The following ZBTB18 variants were observed in gnomAD, a reference collection of about 807,000 sequenced individuals.
The protein encoded by ZBTB18 is zinc finger and BTB domain containing 18.
In ZBTB18, 2 loss-of-function variants were observed where a neutral mutation model predicts 37.7. The observed-to-expected ratio is 0.05, with a 90% CI of 0.02 to 0.17. The LOEUF (loss-of-function observed/expected upper bound fraction) is 0.17, where lower values mean the gene tolerates loss of function less well. Among genes scored for constraint, ZBTB18 ranks in the 10% least tolerant of loss-of-function variants. The probability of loss-of-function intolerance (pLI) is 1.00; values close to 1 mark genes in which losing one functional copy is unlikely to be tolerated. For synonymous variants in ZBTB18, 304 were observed against 276.5 expected (o/e 1.10, Z -0.99); for missense variants, 408 against 686.3 (o/e 0.59, Z 4.53).
At position 244,055,442 on chromosome 1, in the gene ZBTB18, G is replaced by T. The variant is rs1256482203; in HGVS notation, c.*72G>T. The T allele has an allele frequency of 7.3e-6, 4 of 545,056 alleles. No individual in the cohort carries two copies. Among genetic ancestry groups the T allele is most frequent in the Non-Finnish European group, 1.0e-5 (4 of 387,464 alleles). 33.8% of individuals were successfully genotyped at this position (545,056 alleles called of 1,614,324 possible). A position where few individuals can be genotyped will look rare whatever the true frequency, so the allele number is the denominator to read the frequency against. ...TAGATCTCTATATAGTTGTGGTACG[G>T]TCTAAAAGCAGTCTTGTTTCCTGGA... On this transcript the variant is annotated 3_prime_UTR_variant, in exon 2 of 2. Coordinates refer to ENST00000358704, the MANE Select transcript of ZBTB18 (RefSeq NM_205768.3). This position sits in a 1 kb window ranked among gnomAD's most constrained non-coding sequence, Gnocchi z 7.0.
intron 1 of ZBTB18, among the ~76,000 whole-genome samples, chr1:244,052,085 C>T (rs938063312): frequency 3.3e-5 from 5 of 152,142 alleles, no homozygotes; most frequent in African/African-American, 1.2e-4. Context: ...TTTGTGTTAG[C>T]GACTAATTTA....
chr1:244,051,328 ACAT>A lies in ZBTB18; in HGVS notation c.-99_-97del, dbSNP rs1331463514. ...GGAGAAGGTATCTCATTCCTCTCTA[ACAT>A]CATCTCCACTTTGCATCTGTCTCTC... is the stretch of plus-strand genomic sequence containing the variant. On this transcript the variant is annotated 5_prime_UTR_variant, in exon 1 of 2. Coordinates refer to ENST00000358704, the MANE Select transcript of ZBTB18 (RefSeq NM_205768.3). 7.8e-7 allele frequency: 1 copy of A among 1,277,366 alleles called. No homozygotes were observed. The highest frequency in any genetic ancestry group is 1.1e-6 in the Non-Finnish European group (1 of 885,470). 79.1% of individuals were successfully genotyped at this position (1,277,366 alleles called of 1,614,324 possible).
rs372247680 is a variant in ZBTB18, at chr1:244,054,899, G to A, written c.1125G>A (p.Ala375=). The change falls in exon 2 of 2, where the codon GCG becomes GCA. Residue 375 remains alanine, a synonymous_variant. Coordinates refer to ENST00000358704, the MANE Select transcript of ZBTB18 (RefSeq NM_205768.3). This position sits in a 1 kb window ranked among gnomAD's most constrained non-coding sequence, Gnocchi z 9.0. The part of the protein sequence containing the change: ...LPYVSNILSP[A]GQIFMCPLCN... Reference sequence around the variant, plus strand: ...ACGTCTCCAACATCCTGAGCCCCGCGGGCCAGATCTTCATGTGCCCCCTGT... The same window carrying A: ...ACGTCTCCAACATCCTGAGCCCCGCAGGCCAGATCTTCATGTGCCCCCTGT... The A allele has an allele frequency of 3.7e-6, 6 of 1,614,008 alleles. No homozygotes were observed. The highest frequency in any genetic ancestry group is 2.7e-5 in the African/African-American group (2 of 74,920).
rs894674661 is a variant in ZBTB18, at chr1:244,055,732, T to G, written c.*362T>G. On this transcript the variant is annotated 3_prime_UTR_variant, in exon 2 of 2. Coordinates refer to ENST00000358704, the MANE Select transcript of ZBTB18 (RefSeq NM_205768.3). This position sits in a 1 kb window ranked among gnomAD's most constrained non-coding sequence, Gnocchi z 7.0. ...CCCAACAAAGTTTTTTTGTTTTTTG[T>G]TTTTTTTTTTAAGTAGAAATTCCCT... The G allele has an allele frequency of 4.0e-5, 6 of 150,200 alleles. No homozygotes were observed. The highest frequency in any genetic ancestry group is 1.5e-4 in the African/African-American group (5 of 32,632). 9.3% of individuals were successfully genotyped at this position (150,200 alleles called of 1,614,324 possible).
At chr1:244,048,685 G>C (rs1326501715), upstream of ZBTB18, among the ~76,000 whole-genome samples, 24 of 120,578 alleles carry the variant, frequency 2.0e-4, no homozygotes, top group African/African-American at 6.6e-4. Context: ...TCGCTCCCTC[G>C]CTCGCTCCCT....
rs558017650 is a variant in ZBTB18, at chr1:244,053,011, A to G, written c.14-777A>G. 6.6e-6 allele frequency among the ~76,000 whole-genome samples: 1 copy of G among 152,368 alleles called. No individual in the cohort carries two copies. The highest frequency in any genetic ancestry group is 2.1e-4 in the South Asian group (1 of 4,826). Reference sequence around the variant, plus strand: ...TATTCTGAAAGTACAGTTTCTACAAAGAAATGTAACTACTTTTTTCTCAGT... The same window carrying G: ...TATTCTGAAAGTACAGTTTCTACAAGGAAATGTAACTACTTTTTTCTCAGT... On this transcript the variant is annotated intron_variant, in intron 1 of 1. Coordinates refer to ENST00000358704, the MANE Select transcript of ZBTB18 (RefSeq NM_205768.3). This position sits in a 1 kb window ranked among gnomAD's most constrained non-coding sequence, Gnocchi z 5.2.
chr1:244,055,289 G>A lies in ZBTB18; in HGVS notation c.1515G>A (p.Leu505=). Residue 505 remains leucine, a synonymous_variant, in exon 2 of 2, where the codon TTG becomes TTA. Coordinates refer to ENST00000358704, the MANE Select transcript of ZBTB18 (RefSeq NM_205768.3). This position sits in a 1 kb window ranked among gnomAD's most constrained non-coding sequence, Gnocchi z 7.0. ...TCCACTGTGAGTTGGTGAACTCCTT[G>A]TCGGTCAAAAGCGAAGCACTGAGCT... ...RKFHCELVNS[L]SVKSEALSLP... 1 of 1,613,774 alleles carries A rather than the reference G, an allele frequency of 6.2e-7. No individual in the cohort carries two copies. The highest frequency in any genetic ancestry group is 8.5e-7 in the Non-Finnish European group (1 of 1,179,944).
chr1:244,051,034 A>G (rs745606870), upstream of ZBTB18, among the ~76,000 whole-genome samples: 3 of 152,220 alleles, frequency 2.0e-5, no homozygotes, highest in Admixed American at 6.5e-5. Flanking sequence ...GTAGAACTCC[A>G]TATGCTGAGT....
rs760548973 is a variant in ZBTB18, at chr1:244,054,150, C to T, written c.376C>T (p.Leu126=). ...CATTGTCAAAGTCTGCAAAAAGAAG[C>T]TGAAAGAGAAAGCCACCACGGAGGC... ...YDIVKVCKKK[L]KEKATTEADS... is the part of the protein sequence containing the mutation. Residue 126 remains leucine (L), a synonymous_variant, in exon 2 of 2, where the codon CTG becomes TTG. Transcript: ENST00000358704. The surrounding 1 kb of genome is among the most constrained non-coding windows in gnomAD (Gnocchi z 9.0). 1.9e-6 allele frequency: 3 copies of T among 1,614,092 alleles called. No homozygotes were observed. Among genetic ancestry groups the T allele is most frequent in the Non-Finnish European group, 2.5e-6 (3 of 1,180,028 alleles).
In ZBTB18 at chr1:244,054,844, A is replaced by T. The variant is rs1698425015; in HGVS notation, c.1070A>T (p.Glu357Val). Residue 357 changes from glutamate to valine, a missense_variant, in exon 2 of 2, where the codon GAG becomes GTG. Transcript: ENST00000358704. This position sits in a 1 kb window ranked among gnomAD's most constrained non-coding sequence, Gnocchi z 9.0. ...CCAGAGAGCGAGCGTGTCCAGGTGG[A>T]GGGAGGCATGGAGAGCAGTCTGCTC... ...MTPESERVQV[E>V]GGMESSLLPY... is the part of the protein sequence containing the mutation. 6.2e-7 allele frequency: 1 copy of T among 1,614,092 alleles called. No individual in the cohort carries two copies. Among genetic ancestry groups the T allele is most frequent in the Non-Finnish European group, 8.5e-7 (1 of 1,180,028 alleles).
At chr1:244,050,978 C>T (rs570581320), upstream of ZBTB18, among the ~76,000 whole-genome samples, 122 of 152,284 alleles carry the variant, frequency 8.0e-4, no homozygotes, top group African/African-American at 2.9e-3. Context: ...AGTATGTAAG[C>T]CAGTCCACCA....
At chr1:244,048,859 G>C (rs1698288530), upstream of ZBTB18, 2 of 145,020 alleles carry the variant, frequency 1.4e-5, no homozygotes. Context: ...GGGGGTGGGG[G>C]GGCCGGGAGG....
At chr1:244,051,148 C>T (rs1698341321), upstream of ZBTB18, 1 of 360,074 alleles carries the variant, frequency 2.8e-6, no homozygotes, top group East Asian at 4.3e-5. Context: ...AAGCTGGTGG[C>T]AGGAGTGTAG....
chr1:244,051,571 C>A, intron 1 of ZBTB18, 127 bp downstream of exon 1: 2 of 1,115,930 alleles, frequency 1.8e-6, no homozygotes, highest in African/African-American at 1.6e-5. Context: ...ATTAAATGAA[C>A]ATCTTACTGG....
upstream of ZBTB18, chr1:244,049,086 G>A (rs1344834799): frequency 6.9e-6 from 1 of 145,326 alleles, no homozygotes; most frequent in Non-Finnish European, 1.5e-5. Context: ...GTGCGGCCCC[G>A]GCCGGCTGGG....
At chr1:244,051,917 G>A (rs1698362736) in intron 1 of ZBTB18, among the ~76,000 whole-genome samples, 1 of 152,070 alleles carries the variant, frequency 6.6e-6, no homozygotes, top group Admixed American at 6.6e-5. Flanking sequence ...GAAACATACA[G>A]CTGTAGTGCT....
At chr1:244,049,008 C>CGGCCCCT (rs1031954581), upstream of ZBTB18, 2 of 147,930 alleles carry the variant, frequency 1.4e-5, no homozygotes, top group Non-Finnish European at 3.0e-5. Context: ...GTCCCGGCGC[C>CGGCCCCT]GGCCCCTGGC....
At position 244,055,425 on chromosome 1, in the gene ZBTB18, T is replaced by G; in HGVS notation, c.*55T>G. 10 of 620,192 alleles carry G rather than the reference T, an allele frequency of 1.6e-5. No individual in the cohort carries two copies. The highest frequency in any genetic ancestry group is 8.1e-5 in the South Asian group (1 of 12,320). The allele number at this position is 620,192 out of a possible 1,614,324, so 38.4% of individuals were successfully genotyped here. A position where few individuals can be genotyped will look rare whatever the true frequency, so the allele number is the denominator to read the frequency against. ...ATATACATATATATAAATAGATCTC[T>G]ATATAGTTGTGGTACGGTCTAAAAG... On this transcript the variant is annotated 3_prime_UTR_variant, in exon 2 of 2. Transcript: ENST00000358704. This position sits in a 1 kb window ranked among gnomAD's most constrained non-coding sequence, Gnocchi z 7.0.
chr1:244,055,277 G>A lies in ZBTB18; in HGVS notation c.1503G>A (p.Leu501=), dbSNP rs763674896. ...ACATTCGCAAGTTCCACTGTGAGTT[G>A]GTGAACTCCTTGTCGGTCAAAAGCG... ...YRHIRKFHCE[L]VNSLSVKSEA... The change falls in exon 2 of 2, where the codon TTG becomes TTA. Residue 501 remains leucine, a synonymous_variant. Transcript: ENST00000358704. The surrounding 1 kb of genome is among the most constrained non-coding windows in gnomAD (Gnocchi z 7.0). 6.2e-7 allele frequency: 1 copy of A among 1,613,858 alleles called. No homozygotes were observed. Among genetic ancestry groups the A allele is most frequent in the South Asian group, 1.1e-5 (1 of 91,078 alleles).
Sources: allele counts gnomAD v4.1 joint callset (sites outside exome capture counted in the v4.1 genomes callset), GRCh38; gene constraint gnomAD v4.1.1; non-coding constraint Gnocchi (gnomAD v3.1); transcripts MANE v1.5; gene names NCBI Gene and HGNC (gene_info 2026-07-23, HGNC 2026-07-21).